Variants in NCOA7 observed in about 807,000 individuals in gnomAD.
The protein encoded by NCOA7 is 140 kDa estrogen receptor-associated protein.
NCOA7 carries 45 observed loss-of-function variants against 104.3 expected under a neutral mutation model. That is an observed-to-expected ratio of 0.43 (90% CI 0.34 to 0.55). The LOEUF is 0.55. NCOA7 is among the 20% of genes least tolerant of loss of function. The pLI is 0.02. For missense variants in NCOA7, 1,041 were observed against 1,119.7 expected, an observed-to-expected ratio of 0.93 and a Z score of 1.00; for synonymous variants, 398 against 402.3, an observed-to-expected ratio of 0.99 and a Z score of 0.13.
intron 1 of NCOA7, among the ~76,000 whole-genome samples, chr6:125,783,715 G>A (rs528740396): frequency 1.6e-4 from 24 of 152,210 alleles, no homozygotes; most frequent in Admixed American, 9.8e-4. Context: ...ACATGGCCCA[G>A]GTACAGCCTG....
At chr6:125,869,026 G>T (rs531460438) in intron 3 of NCOA7, among the ~76,000 whole-genome samples, 1 of 152,160 alleles carries the variant, frequency 6.6e-6, no homozygotes, top group East Asian at 1.9e-4. Flanking sequence ...GTTTGTGCTT[G>T]TTCAGATACT....
intron 3 of NCOA7, among the ~76,000 whole-genome samples, chr6:125,862,862 G>T (rs181639296): frequency 7.2e-6 from 1 of 138,020 alleles, no homozygotes; most frequent in African/African-American, 3.0e-5. Flanking sequence ...TGGACATGTG[G>T]TGCATGCCTG....
chr6:125,812,760 C>T (rs1777149440), intron 1 of NCOA7, among the ~76,000 whole-genome samples: 1 of 152,216 alleles, frequency 6.6e-6, no homozygotes, highest in South Asian at 2.1e-4. Context: ...CTCCCCTGTC[C>T]TACATGCAGC....
intron 2 of NCOA7, among the ~76,000 whole-genome samples, chr6:125,854,165 G>T (rs1179914880): frequency 6.6e-6 from 1 of 152,160 alleles, no homozygotes; most frequent in Non-Finnish European, 1.5e-5. Flanking sequence ...TATGAGTAGA[G>T]TACAACATAT....
chr6:125,897,997 T>G (rs1236231920), intron 10 of NCOA7, among the ~76,000 whole-genome samples: 3 of 152,192 alleles, frequency 2.0e-5, no homozygotes, highest in African/African-American at 7.2e-5. Flanking sequence ...ACATGTTGAG[T>G]AGTAGCATCC....
chr6:125,782,679 C>A (rs978280036), intron 1 of NCOA7, among the ~76,000 whole-genome samples: 5 of 152,132 alleles, frequency 3.3e-5, no homozygotes, highest in African/African-American at 1.2e-4. Context: ...TTTCTTCTGG[C>A]AGGACAACTA....
chr6:125,923,495 CA>C (rs2128699463), intron 13 of NCOA7, among the ~76,000 whole-genome samples: 1 of 152,274 alleles, frequency 6.6e-6, no homozygotes, highest in East Asian at 1.9e-4. Flanking sequence ...GGAATCTGTC[CA>C]GGTTTTTTTC....
At chr6:125,890,397 G>T (rs1460610500) in intron 9 of NCOA7, among the ~76,000 whole-genome samples, 1 of 151,992 alleles carries the variant, frequency 6.6e-6, no homozygotes, top group East Asian at 1.9e-4. Flanking sequence ...CTATTCTATT[G>T]GTTTTTAAAC....
At chr6:125,894,503 C>G (rs1784854772) in intron 10 of NCOA7, among the ~76,000 whole-genome samples, 1 of 152,074 alleles carries the variant, frequency 6.6e-6, no homozygotes, top group Non-Finnish European at 1.5e-5. Flanking sequence ...AAGTATGGGC[C>G]TTTGAATGAG....
chr6:125,890,092 A>T, intron 9 of NCOA7, 111 bp downstream of exon 9: 1 of 816,652 alleles, frequency 1.2e-6, no homozygotes, highest in Non-Finnish European at 1.8e-6. Flanking sequence ...TATTTTCTCA[A>T]TAGAGTGTAT....
chr6:125,876,661 A>G (rs778552267), intron 4 of NCOA7, among the ~76,000 whole-genome samples: 11 of 152,066 alleles, frequency 7.2e-5, no homozygotes, highest in African/African-American at 1.9e-4. Flanking sequence ...GATCAAGTCA[A>G]TAATGCAGGT....
chr6:125,912,299 G>C lies in NCOA7; in HGVS notation c.2097-3034G>C, dbSNP rs948133649. On this transcript the variant is annotated intron_variant, in intron 10 of 15. Coordinates refer to ENST00000392477, the MANE Select transcript of NCOA7 (RefSeq NM_181782.5). ...GATTCAGAGGTAAGGAAAATTTTGG[G>C]GGCCTAATGGCTTCCTAATGATTGA... Among the ~76,000 whole-genome samples, 4 of 152,290 alleles carry C rather than the reference G, an allele frequency of 2.6e-5. No individual in the cohort carries two copies. The East Asian group carries it at 7.7e-4, about 29-fold the overall frequency.
chr6:125,818,247 A>G (rs989346279), intron 2 of NCOA7, among the ~76,000 whole-genome samples: 2 of 152,200 alleles, frequency 1.3e-5, no homozygotes, highest in African/African-American at 4.8e-5. Flanking sequence ...AACCTGCTCA[A>G]TGTTAACCTC....
At position 125,931,668 on chromosome 6, in the gene NCOA7, C is replaced by T. The variant is rs371439740; in HGVS notation, c.*2897C>T. The stretch of plus-strand genomic sequence containing the variant: ...ACATCCTGCACTATTATAAGTATGT[C>T]TTCCCTTAATTTGATCTCCCTCTCC... On this transcript the variant is annotated 3_prime_UTR_variant, in exon 16 of 16. Coordinates refer to ENST00000392477, the MANE Select transcript of NCOA7 (RefSeq NM_181782.5). 48 of 152,332 alleles carry T rather than the reference C, an allele frequency of 3.2e-4. No homozygotes were observed. The highest frequency in any genetic ancestry group is 1.1e-3 in the African/African-American group (47 of 41,564). 9.4% of individuals were successfully genotyped at this position (152,332 alleles called of 1,614,324 possible). A position where few individuals can be genotyped will look rare whatever the true frequency, so the allele number is the denominator to read the frequency against.
intron 3 of NCOA7, among the ~76,000 whole-genome samples, chr6:125,869,066 T>C (rs1429851044): frequency 1.3e-5 from 2 of 152,252 alleles, no homozygotes; most frequent in African/African-American, 4.8e-5. Flanking sequence ...GGCTACGTAC[T>C]ATCTTTTCTT....
At chr6:125,915,226 A>G in intron 10 of NCOA7, 107 bp from the exon 11 acceptor site, 1 of 1,374,208 alleles carries the variant, frequency 7.3e-7, no homozygotes, top group Non-Finnish European at 9.9e-7. Context: ...AATTAGTAAA[A>G]TGGATTTGCC....
intron 4 of NCOA7, among the ~76,000 whole-genome samples, chr6:125,876,196 T>C (rs1783360468): frequency 6.6e-6 from 1 of 152,236 alleles, no homozygotes; most frequent in South Asian, 2.1e-4. Flanking sequence ...TTTGCTGGTG[T>C]TTCTTTTGCA....
At position 125,929,842 on chromosome 6, in the gene NCOA7, A is replaced by G. The variant is rs571883865; in HGVS notation, c.*1071A>G. 6.6e-6 allele frequency: 1 copy of G among 152,340 alleles called. No homozygotes were observed. Among genetic ancestry groups the G allele is most frequent in the East Asian group, 1.9e-4 (1 of 5,192 alleles). The allele number at this position is 152,340 out of a possible 1,614,324, so 9.4% of individuals were successfully genotyped here. On this transcript the variant is annotated 3_prime_UTR_variant, in exon 16 of 16. Coordinates refer to ENST00000392477, the MANE Select transcript of NCOA7 (RefSeq NM_181782.5). ...TTGTATAACTTTTCCAAGCTTTTAC[A>G]TTAACGAGCAGGCCTCTGTCTTAAA...
intron 2 of NCOA7, among the ~76,000 whole-genome samples, chr6:125,845,278 A>G (rs1780506136): frequency 6.6e-6 from 1 of 152,206 alleles, no homozygotes; most frequent in South Asian, 2.1e-4. Context: ...GATTTAAAAA[A>G]AAAGTGATGT....
Sources: allele counts gnomAD v4.1 joint callset (sites outside exome capture counted in the v4.1 genomes callset), GRCh38; gene constraint gnomAD v4.1.1; transcripts MANE v1.5; gene names NCBI Gene and HGNC (gene_info 2026-07-23, HGNC 2026-07-21).